The following DSCAM variants were observed in gnomAD, a reference collection of about 807,000 sequenced individuals.
The protein encoded by DSCAM is DS cell adhesion molecule.
DSCAM carries 47 observed loss-of-function variants against 217.7 expected under a neutral mutation model. The ratio of observed to expected loss-of-function variants is 0.22; its 90% CI spans 0.17 to 0.28. DSCAM has a LOEUF of 0.28. Among genes scored for constraint, DSCAM ranks in the 10% least tolerant of loss-of-function variants. The probability of loss-of-function intolerance (pLI) is 1.00; values close to 1 mark genes in which losing one functional copy is unlikely to be tolerated. For missense variants in DSCAM, 2,080 were observed against 2,618.3 expected, an observed-to-expected ratio of 0.79 and a Z score of 4.49; for synonymous variants, 1,056 against 1,015.3, an observed-to-expected ratio of 1.04 and a Z score of -0.76.
chr21:40,176,090 C>G (rs1449791757), intron 15 of DSCAM, among the ~76,000 whole-genome samples: 1 of 151,974 alleles, frequency 6.6e-6, no homozygotes, highest in African/African-American at 2.4e-5. Flanking sequence ...CTGTCCTGAG[C>G]TGAGTAGTCC....
intron 4 of DSCAM, among the ~76,000 whole-genome samples, chr21:40,362,840 A>G (rs970745417): frequency 6.6e-6 from 1 of 152,224 alleles, no homozygotes; most frequent in Non-Finnish European, 1.5e-5. Context: ...ATATATGTAC[A>G]TATGTGTATA....
intron 3 of DSCAM, among the ~76,000 whole-genome samples, chr21:40,629,959 A>T (rs1315982645): frequency 6.6e-6 from 1 of 152,198 alleles, no homozygotes; most frequent in East Asian, 1.9e-4. Context: ...CAATATAGAC[A>T]ACATAGAGAT....
chr21:40,423,786 G>T (rs1045780727), intron 3 of DSCAM, among the ~76,000 whole-genome samples: 2 of 152,136 alleles, frequency 1.3e-5, no homozygotes, highest in African/African-American at 4.8e-5. Flanking sequence ...ACACATGTGG[G>T]CCATGATCAG....
chr21:40,692,480 G>T (rs531604790), intron 3 of DSCAM, among the ~76,000 whole-genome samples: 72 of 152,254 alleles, frequency 4.7e-4, no homozygotes, highest in African/African-American at 1.7e-3. Context: ...GCAATGCTGA[G>T]GTCTCTCACA....
chr21:40,089,993 A>G (rs1284873205), intron 21 of DSCAM, among the ~76,000 whole-genome samples: 1 of 151,928 alleles, frequency 6.6e-6, no homozygotes, highest in Non-Finnish European at 1.5e-5. Context: ...TGTCCTCCCC[A>G]TTCCCTGCAA....
At chr21:40,845,343 C>T (rs1180063069) in intron 1 of DSCAM, among the ~76,000 whole-genome samples, 1 of 152,112 alleles carries the variant, frequency 6.6e-6, no homozygotes, top group Non-Finnish European at 1.5e-5. Context: ...AATGCTCATG[C>T]ATTTCTTCTG....
chr21:40,346,531 T>A (rs11909735), intron 6 of DSCAM, among the ~76,000 whole-genome samples: 1 of 152,142 alleles, frequency 6.6e-6, no homozygotes, highest in Non-Finnish European at 1.5e-5. Flanking sequence ...TTTTAAATTA[T>A]ATATGGACAT....
intron 3 of DSCAM, among the ~76,000 whole-genome samples, chr21:40,588,429 C>A (rs577477074): frequency 4.6e-5 from 7 of 152,128 alleles, no homozygotes; most frequent in African/African-American, 1.7e-4. Context: ...TCTTAAATAC[C>A]GAGCAGGATG....
chr21:40,021,386 T>C (rs1385551966), intron 32 of DSCAM, among the ~76,000 whole-genome samples: 3 of 152,078 alleles, frequency 2.0e-5, no homozygotes, highest in Non-Finnish European at 2.9e-5. Context: ...AGAATAAATG[T>C]GTACCACCCA....
At chr21:40,572,117 T>TG (rs1207641570) in intron 3 of DSCAM, among the ~76,000 whole-genome samples, 1 of 148,002 alleles carries the variant, frequency 6.8e-6, no homozygotes, top group South Asian at 2.2e-4. Context: ...TGTGTGTGTG[T>TG]TTGTGTGTAC....
intron 28 of DSCAM, among the ~76,000 whole-genome samples, chr21:40,058,990 A>C (rs2089072213): frequency 1.3e-5 from 2 of 152,182 alleles, no homozygotes; most frequent in Non-Finnish European, 2.9e-5. Flanking sequence ...AGAAGAGGAG[A>C]GCAGAGACGG....
chr21:40,845,134 G>A (rs1222246785), intron 1 of DSCAM, among the ~76,000 whole-genome samples: 1 of 152,210 alleles, frequency 6.6e-6, no homozygotes, highest in African/African-American at 2.4e-5. Flanking sequence ...CACAGGACAG[G>A]TATGGTGCCC....
intron 11 of DSCAM, among the ~76,000 whole-genome samples, chr21:40,223,231 T>C: frequency 6.6e-6 from 1 of 152,232 alleles, no homozygotes; most frequent in South Asian, 2.1e-4. Flanking sequence ...GTCCCCAGGC[T>C]GCAGGGCCCT....
intron 10 of DSCAM, among the ~76,000 whole-genome samples, chr21:40,288,677 G>T (rs1030301223): frequency 2.6e-5 from 4 of 152,110 alleles, no homozygotes; most frequent in African/African-American, 9.7e-5. Flanking sequence ...TTCAATAAAT[G>T]GTTTTAGGAC....
At chr21:40,308,815 C>G (rs1032580865) in intron 9 of DSCAM, among the ~76,000 whole-genome samples, 5 of 152,088 alleles carry the variant, frequency 3.3e-5, no homozygotes, top group African/African-American at 9.7e-5. Context: ...CTGTGATGGT[C>G]CTATTAGATA....
At chr21:40,767,112 G>A (rs188657376) in intron 1 of DSCAM, among the ~76,000 whole-genome samples, 252 of 152,264 alleles carry the variant, frequency 1.7e-3, no homozygotes, top group African/African-American at 5.7e-3. Flanking sequence ...TCACAAAGAC[G>A]TTTAATTGTC....
intron 11 of DSCAM, among the ~76,000 whole-genome samples, chr21:40,259,165 A>G (rs975727296): frequency 3.9e-5 from 6 of 152,236 alleles, no homozygotes; most frequent in Non-Finnish European, 7.3e-5. Context: ...GCTTACACAT[A>G]TGAATATGCC....
At chr21:40,554,823 C>T (rs4818141) in intron 3 of DSCAM, among the ~76,000 whole-genome samples, 78,824 of 141,444 alleles carry the variant, frequency 0.56, 21,759 homozygotes, top group East Asian at 0.64. Context: ...TTTGTTTTTA[C>T]GTTTTTGTAA....
Position 40,690,331 on chromosome 21 carries a change from G to A in DSCAM, c.508+2479C>T, listed in dbSNP as rs541623174. ...CATGCCACTGCTTTGGGGCCTTGTT[G>A]TCATTTACAAGGTCATTTTTAGTGA... On this transcript the variant is annotated intron_variant, in intron 3 of 32. Transcript: ENST00000400454. Among the ~76,000 whole-genome samples the A allele has an allele frequency of 8.1e-4, 124 of 152,254 alleles. 1 individual carries two copies. Among genetic ancestry groups the A allele is most frequent in the African/African-American group, 2.8e-3 (115 of 41,550 alleles).
Sources: allele counts gnomAD v4.1 joint callset (sites outside exome capture counted in the v4.1 genomes callset), GRCh38; gene constraint gnomAD v4.1.1; transcripts MANE v1.5; gene names NCBI Gene and HGNC (gene_info 2026-07-23, HGNC 2026-07-21).